The following LEKR1 variants were observed in gnomAD, a reference collection of about 807,000 sequenced individuals.
LEKR1 encodes protein LEKR1.
A neutral mutation model predicts 72.4 loss-of-function variants in LEKR1; 59 were observed. The observed-to-expected ratio is 0.82, with a 90% confidence interval of 0.66 to 1.01. LEKR1 has a LOEUF of 1.01. Among genes scored for constraint, LEKR1 ranks in the 50% least tolerant of loss-of-function variants. LEKR1 has a pLI of 0.00. For missense variants in LEKR1, 728 were observed against 759.2 expected, an observed-to-expected ratio of 0.96 and a Z score of 0.48; for synonymous variants, 257 against 263.2, an observed-to-expected ratio of 0.98 and a Z score of 0.23.
At chr3:156,903,208 A>T (rs907252883) in intron 3 of LEKR1, among the ~76,000 whole-genome samples, 1 of 152,162 alleles carries the variant, frequency 6.6e-6, no homozygotes, top group African/African-American at 2.4e-5. Context: ...TGATGTTAGA[A>T]AATGCCTTTC....
intron 2 of LEKR1, among the ~76,000 whole-genome samples, chr3:156,843,060 G>A (rs1375705770): frequency 1.3e-5 from 2 of 152,064 alleles, no homozygotes; most frequent in African/African-American, 2.4e-5. Flanking sequence ...CCCTGACCTC[G>A]GATAACCAGC....
intron 3 of LEKR1, among the ~76,000 whole-genome samples, chr3:156,885,088 G>A (rs966765091): frequency 6.6e-6 from 1 of 151,982 alleles, no homozygotes; most frequent in Non-Finnish European, 1.5e-5. Context: ...ACTTTACAGG[G>A]CATTTTGTAT....
intron 2 of LEKR1, among the ~76,000 whole-genome samples, chr3:156,837,074 C>G (rs915782530): frequency 7.2e-5 from 11 of 152,192 alleles, no homozygotes; most frequent in Non-Finnish European, 1.2e-4. Flanking sequence ...TCTAAAATTC[C>G]TTTTAAAAAA....
At chr3:156,914,608 T>C (rs538907884) in intron 3 of LEKR1, among the ~76,000 whole-genome samples, 2 of 152,318 alleles carry the variant, frequency 1.3e-5, no homozygotes, top group African/African-American at 4.8e-5. Flanking sequence ...TTGTGAACAG[T>C]GCTGCAAAGC....
chr3:156,885,994 G>A (rs140831323), intron 3 of LEKR1, among the ~76,000 whole-genome samples: 15 of 152,284 alleles, frequency 9.9e-5, no homozygotes, highest in African/African-American at 2.4e-4. Flanking sequence ...TTGGTTTCTC[G>A]GGTTATGGGT....
chr3:156,887,963 A>G lies in LEKR1; in HGVS notation c.264-32612A>G, dbSNP rs137893638. Among the ~76,000 whole-genome samples, 848 of 152,322 alleles carry G rather than the reference A, an allele frequency of 5.6e-3. 3 individuals carry two copies. The highest frequency in any genetic ancestry group is 0.011 in the South Asian group (54 of 4,828). ...TATTTTGACAAACTCAAGATAGTTG[A>G]CCATCTATATTTTATCATTAATATG... On this transcript the variant is annotated intron_variant, in intron 3 of 12. Transcript: ENST00000356539.
At chr3:156,875,113 T>C (rs1718402800) in intron 3 of LEKR1, among the ~76,000 whole-genome samples, 1 of 152,228 alleles carries the variant, frequency 6.6e-6, no homozygotes, top group Non-Finnish European at 1.5e-5. Context: ...TCCACACTGT[T>C]TTCCATAGTG....
intron 10 of LEKR1, among the ~76,000 whole-genome samples, chr3:157,023,392 A>G (rs956174378): frequency 1.3e-5 from 2 of 152,200 alleles, no homozygotes; most frequent in Non-Finnish European, 2.9e-5. Context: ...TGGCTCAACT[A>G]CAGGAAAAAC....
At chr3:156,946,163 T>C (rs1420573210) in intron 6 of LEKR1, among the ~76,000 whole-genome samples, 1 of 151,580 alleles carries the variant, frequency 6.6e-6, no homozygotes, top group African/African-American at 2.4e-5. Context: ...TTTACTTCTT[T>C]GGTTAGGTTT....
chr3:156,980,568 G>GA (rs34222097), intron 7 of LEKR1, among the ~76,000 whole-genome samples: 52 of 149,902 alleles, frequency 3.5e-4, no homozygotes, highest in East Asian at 3.3e-3. Flanking sequence ...ATGGTTGCTA[G>GA]AAAAAAAAAA....
chr3:156,930,613 A>G (rs1487587517), intron 5 of LEKR1, among the ~76,000 whole-genome samples: 1 of 152,200 alleles, frequency 6.6e-6, no homozygotes, highest in African/African-American at 2.4e-5. Flanking sequence ...TACATAATTT[A>G]AAAGATAACT....
chr3:156,995,702 C>T (rs141874745), intron 9 of LEKR1, among the ~76,000 whole-genome samples: 2 of 152,254 alleles, frequency 1.3e-5, no homozygotes, highest in Non-Finnish European at 2.9e-5. Context: ...CATGGGGGCT[C>T]ATGCCTATAA....
At chr3:156,905,919 T>A (rs910468109) in intron 3 of LEKR1, among the ~76,000 whole-genome samples, 2 of 152,178 alleles carry the variant, frequency 1.3e-5, no homozygotes, top group Non-Finnish European at 2.9e-5. Context: ...GATATTTGGA[T>A]ACCTTTGCCT....
At chr3:156,850,336 G>A (rs1715200459) in intron 2 of LEKR1, among the ~76,000 whole-genome samples, 1 of 151,906 alleles carries the variant, frequency 6.6e-6, no homozygotes, top group African/African-American at 2.4e-5. Context: ...TCACATAATA[G>A]AATGGAAAGT....
rs564882269 is a variant in LEKR1 at position 156,978,609 on chromosome 3, A to G, written c.746-585A>G. Among the ~76,000 whole-genome samples the G allele has an allele frequency of 5.3e-5, 8 of 152,338 alleles. No homozygotes were observed. In the South Asian group the frequency reaches 1.4e-3, roughly 28 times the overall value. ...CTTGTTAGACAGGGCTGCTTGAATA[A>G]TAATCCTCAAATACTGCTTACATTC... On this transcript the variant is annotated intron_variant, in intron 6 of 12. Coordinates refer to ENST00000356539, the MANE Select transcript of LEKR1 (RefSeq NM_001004316.3).
intron 7 of LEKR1, among the ~76,000 whole-genome samples, chr3:156,984,772 C>A (rs1283663610): frequency 2.0e-5 from 3 of 151,766 alleles, no homozygotes; most frequent in African/African-American, 7.3e-5. Context: ...TAACACAGGA[C>A]TTACATTTTA....
intron 2 of LEKR1, among the ~76,000 whole-genome samples, chr3:156,841,804 T>A (rs147869662): frequency 7.6e-4 from 116 of 152,342 alleles, no homozygotes; most frequent in African/African-American, 2.7e-3. Flanking sequence ...TCCTAGTGAC[T>A]GGGCAGTGTA....
intron 3 of LEKR1, among the ~76,000 whole-genome samples, chr3:156,885,993 C>T (rs557391730): frequency 3.9e-5 from 6 of 152,258 alleles, no homozygotes; most frequent in South Asian, 2.1e-4. Flanking sequence ...TTTGGTTTCT[C>T]GGGTTATGGG....
intron 6 of LEKR1, among the ~76,000 whole-genome samples, chr3:156,973,133 A>G (rs988747497): frequency 2.6e-5 from 4 of 152,100 alleles, no homozygotes; most frequent in African/African-American, 9.7e-5. Flanking sequence ...AATTCTAAAC[A>G]TATTTGCAGG....
Sources: gnomAD v4.1 joint callset for allele counts (sites outside exome capture counted in the v4.1 genomes callset) on GRCh38, gnomAD v4.1.1 for gene constraint, MANE v1.5 for transcripts, NCBI Gene and HGNC (gene_info 2026-07-23, HGNC 2026-07-21) for gene names.